GFPT1: variants seen among roughly 807,000 people sequenced by gnomAD.
The protein encoded by GFPT1 is glutamine--fructose-6-phosphate transaminase 1.
GFPT1 carries 40 observed loss-of-function variants against 92.0 expected under a neutral mutation model. That is an observed-to-expected ratio of 0.43 (90% CI 0.34 to 0.57). GFPT1 has a LOEUF of 0.57. GFPT1 is among the 20% of genes least tolerant of loss of function. The pLI is 0.02. For missense variants in GFPT1, 448 were observed against 869.1 expected (o/e 0.52, Z 6.09); for synonymous variants, 269 against 280.6 (o/e 0.96, Z 0.41).
intron 2 of GFPT1, chr2:69,371,505 TCAC>T (rs1266099688): frequency 6.6e-6 from 1 of 151,920 alleles, no homozygotes; most frequent in Non-Finnish European, 1.5e-5. Context: ...GGATTAGAAG[TCAC>T]CAACATACTC....
intron 4 of GFPT1, 117 bp from the exon 5 acceptor site, chr2:69,359,443 T>G (rs1042048745): frequency 1.6e-6 from 1 of 641,760 alleles, no homozygotes; most frequent in African/African-American, 1.8e-5. Context: ...TATATACTAT[T>G]TATGTTATTT....
In GFPT1 at chr2:69,374,188, GA is replaced by G. The variant is rs1365998736; in HGVS notation, c.8-76del. 3 of 733,032 alleles carry G rather than the reference GA, an allele frequency of 4.1e-6. No individual in the cohort carries two copies. In the East Asian group the frequency reaches 8.5e-5, roughly 21 times the overall value. 45.4% of individuals were successfully genotyped at this position (733,032 alleles called of 1,614,324 possible). A position where few individuals can be genotyped will look rare whatever the true frequency, so the allele number is the denominator to read the frequency against. On this transcript the variant is annotated intron_variant, in intron 1 of 19. Coordinates refer to ENST00000357308, the MANE Select transcript of GFPT1 (RefSeq NM_001244710.2). ...ATTAGCATAATTATGTCAAGTATGT[GA>G]AAAAACGTGAAGTTAGATTCTGTCT...
rs1558723607 is a variant in GFPT1, at chr2:69,326,044, G to A, written c.*145C>T. The A allele has an allele frequency of 1.6e-6, 1 of 607,514 alleles. No individual in the cohort carries two copies. Among genetic ancestry groups the A allele is most frequent in the Admixed American group, 3.0e-5 (1 of 33,762 alleles). The allele number at this position is 607,514 out of a possible 1,614,324, so 37.6% of individuals were successfully genotyped here. A position where few individuals can be genotyped will look rare whatever the true frequency, so the allele number is the denominator to read the frequency against. On this transcript the variant is annotated 3_prime_UTR_variant, in exon 20 of 20. Transcript: ENST00000357308. Reference sequence around the variant, plus strand: ...GGTAACTTCACAAAAATCACATATTGAGTGGAATAATTATAACTGATATAT... The same window carrying A: ...GGTAACTTCACAAAAATCACATATTAAGTGGAATAATTATAACTGATATAT...
In GFPT1 at chr2:69,347,448, C is replaced by T. The variant is rs534611609; in HGVS notation, c.1009+723G>A. 2.6e-5 allele frequency among the ~76,000 whole-genome samples: 4 copies of T among 151,336 alleles called. No homozygotes were observed. The South Asian group carries it at 6.3e-4, about 24-fold the overall frequency. On this transcript the variant is annotated intron_variant, in intron 11 of 19. Coordinates refer to ENST00000357308, the MANE Select transcript of GFPT1 (RefSeq NM_001244710.2). ...AGTTAACAGAAGCAAATATTACATA[C>T]GACTAAGTGTGTCAGACACTGTTTT...
At chr2:69,329,922 T>C in intron 15 of GFPT1, 124 bp from the exon 16 acceptor site, 1 of 713,764 alleles carries the variant, frequency 1.4e-6, no homozygotes. Flanking sequence ...CTCTATCTCT[T>C]AAAACTACGT....
Position 69,364,869 on chromosome 2 carries a change from C to T in GFPT1, c.224-1199G>A, listed in dbSNP as rs1479373481. ...AATTAGCCGGGTGTGGTGGTGCGCG[C>T]CTGTAATCCCAGCTACTCGGGAGGT... is the stretch of plus-strand genomic sequence containing the variant. On this transcript the variant is annotated intron_variant, in intron 3 of 19. Transcript: ENST00000357308. 2.6e-5 allele frequency among the ~76,000 whole-genome samples: 4 copies of T among 151,792 alleles called. No homozygotes were observed. In the East Asian group the frequency reaches 7.8e-4, roughly 29 times the overall value.
At chr2:69,374,198 G>A in intron 1 of GFPT1, 85 bp from the exon 2 acceptor site, 1 of 707,568 alleles carries the variant, frequency 1.4e-6, no homozygotes, top group Non-Finnish European at 2.5e-6. Context: ...GAAAAAACGT[G>A]AAGTTAGATT....
intron 15 of GFPT1, among the ~76,000 whole-genome samples, chr2:69,337,414 G>T (rs755966956): frequency 1.1e-4 from 17 of 152,030 alleles, no homozygotes; most frequent in Non-Finnish European, 2.2e-4. Flanking sequence ...AACTTTCAGA[G>T]GTAGTATGTA....
At chr2:69,363,436 A>G in intron 4 of GFPT1, 109 bp downstream of exon 4, 1 of 1,197,294 alleles carries the variant, frequency 8.4e-7, no homozygotes, top group Non-Finnish European at 1.2e-6. Context: ...GAATGTTTGA[A>G]ATTTTCCAGA....
At chr2:69,382,198 T>C (rs1237705490) in intron 1 of GFPT1, among the ~76,000 whole-genome samples, 1 of 152,190 alleles carries the variant, frequency 6.6e-6, no homozygotes, top group Non-Finnish European at 1.5e-5. Context: ...TCTCCAACTT[T>C]GTAAATACAG....
At chr2:69,363,696 C>T in intron 3 of GFPT1, 26 bp from the exon 4 acceptor site, 1 of 1,515,790 alleles carries the variant, frequency 6.6e-7, no homozygotes, top group Middle Eastern at 1.7e-4. Flanking sequence ...AGAAAAATTT[C>T]AATATTAAAT....
intron 1 of GFPT1, among the ~76,000 whole-genome samples, chr2:69,381,901 TCACCCAGG>T (rs1449221971): frequency 6.7e-6 from 1 of 150,202 alleles, no homozygotes; most frequent in Non-Finnish European, 1.5e-5. Context: ...TGTCACTCAG[TCACCCAGG>T]CTGGGGTACA....
chr2:69,346,084 A>G, intron 11 of GFPT1, 85 bp from the exon 12 acceptor site: 1 of 787,572 alleles, frequency 1.3e-6, no homozygotes, highest in Non-Finnish European at 2.2e-6. Flanking sequence ...CTTTAATATA[A>G]TCTTGGTAAA....
chr2:69,328,971 C>G (rs916291822), intron 17 of GFPT1, among the ~76,000 whole-genome samples: 2 of 152,208 alleles, frequency 1.3e-5, no homozygotes, highest in Non-Finnish European at 2.9e-5. Flanking sequence ...TCCCAAAGTG[C>G]TGGGATTATA....
At chr2:69,352,760 T>C (rs1574064923) in intron 9 of GFPT1, among the ~76,000 whole-genome samples, 5 of 150,442 alleles carry the variant, frequency 3.3e-5, no homozygotes, top group Admixed American at 2.7e-4. Flanking sequence ...TAAAAAAAAT[T>C]TGAGGCTGGG....
chr2:69,338,539 A>T lies in GFPT1; in HGVS notation c.1230T>A (p.Thr410=). 6.2e-7 allele frequency: 1 copy of T among 1,613,788 alleles called. No homozygotes were observed. The highest frequency in any genetic ancestry group is 1.1e-5 in the South Asian group (1 of 91,076). Residue 410 remains threonine, a synonymous_variant, in exon 14 of 20, where the codon ACT becomes ACA. Coordinates refer to ENST00000357308, the MANE Select transcript of GFPT1 (RefSeq NM_001244710.2). Reference sequence around the variant, plus strand: ...CTAGTTCCACCATCACAGGCAACTCAGTCAGCTCCTCAAGAACTTGACGTG... The same window carrying T: ...CTAGTTCCACCATCACAGGCAACTCTGTCAGCTCCTCAAGAACTTGACGTG... ...VATRQVLEEL[T]ELPVMVELAS...
intron 9 of GFPT1, among the ~76,000 whole-genome samples, chr2:69,351,392 A>C (rs1186079530): frequency 6.6e-6 from 1 of 152,260 alleles, no homozygotes; most frequent in Non-Finnish European, 1.5e-5. Flanking sequence ...CTTCAAGGCC[A>C]GGACATAACA....
intron 13 of GFPT1, among the ~76,000 whole-genome samples, chr2:69,339,172 T>C (rs1383066436): frequency 6.6e-6 from 1 of 152,224 alleles, no homozygotes; most frequent in Non-Finnish European, 1.5e-5. Context: ...TTGTGTGTTA[T>C]CTCTAACCTC....
intron 5 of GFPT1, among the ~76,000 whole-genome samples, chr2:69,359,062 C>T (rs1044989288): frequency 3.3e-5 from 5 of 152,162 alleles, no homozygotes; most frequent in African/African-American, 4.8e-5. Context: ...CAGTCAAATG[C>T]TAATCATTTC....
Sources: allele counts gnomAD v4.1 joint callset (sites outside exome capture counted in the v4.1 genomes callset), GRCh38; gene constraint gnomAD v4.1.1; transcripts MANE v1.5; gene names NCBI Gene and HGNC (gene_info 2026-07-23, HGNC 2026-07-21).